RABGEF1: variants seen among roughly 807,000 people sequenced by gnomAD.
RABGEF1 encodes RAB guanine nucleotide exchange factor 1.
A neutral mutation model predicts 57.3 loss-of-function variants in RABGEF1; 26 were observed. That is an observed-to-expected ratio of 0.45 (90% CI 0.33 to 0.63). The LOEUF (loss-of-function observed/expected upper bound fraction) is 0.63, where lower values mean the gene tolerates loss of function less well. Among genes scored for constraint, RABGEF1 ranks in the 20% least tolerant of loss-of-function variants. The pLI, the probability that RABGEF1 is intolerant of heterozygous loss-of-function variation, is 0.02. For synonymous variants in RABGEF1, 185 were observed against 210.7 expected, an observed-to-expected ratio of 0.88 and a Z score of 1.06; for missense variants, 464 against 607.6, an observed-to-expected ratio of 0.76 and a Z score of 2.48.
chr7:66,724,069 G>A (rs1028192421), intron 2 of RABGEF1, among the ~76,000 whole-genome samples: 7 of 151,224 alleles, frequency 4.6e-5, no homozygotes, highest in African/African-American at 1.7e-4. Context: ...CTCACCATTT[G>A]TTTCTTAAGA....
intron 1 of RABGEF1, among the ~76,000 whole-genome samples, chr7:66,695,690 G>A (rs1002780351): frequency 1.3e-5 from 2 of 152,156 alleles, no homozygotes; most frequent in African/African-American, 4.8e-5. Flanking sequence ...AACTGGCCAG[G>A]CGCAGTGGCT....
the RABGEF1 span, among the ~76,000 whole-genome samples, chr7:66,661,502 C>T: frequency 0.1 from 15,666 of 151,580 alleles, 995 homozygotes; most frequent in South Asian, 0.2. Flanking sequence ...TGGCTCCCAG[C>T]TGTAATCCCA....
At chr7:66,792,332 C>T (rs942875859) in intron 4 of RABGEF1, among the ~76,000 whole-genome samples, 2 of 152,182 alleles carry the variant, frequency 1.3e-5, no homozygotes, top group Admixed American at 6.5e-5. Context: ...ACCTTATTTG[C>T]AGGCTAACAA....
the RABGEF1 span, among the ~76,000 whole-genome samples, chr7:66,658,271 G>A: frequency 6.6e-6 from 1 of 152,160 alleles, no homozygotes; most frequent in Non-Finnish European, 1.5e-5. Flanking sequence ...AGTGGCTCGT[G>A]CCTGTAATCC....
At chr7:66,673,119 C>T in the RABGEF1 span, among the ~76,000 whole-genome samples, 10 of 139,146 alleles carry the variant, frequency 7.2e-5, no homozygotes, top group East Asian at 2.1e-4. Context: ...AGAGTGACAG[C>T]GCCAGGCAAG....
intron 1 of RABGEF1, among the ~76,000 whole-genome samples, chr7:66,707,486 G>A (rs1176449657): frequency 6.6e-6 from 1 of 152,072 alleles, no homozygotes; most frequent in Non-Finnish European, 1.5e-5. Flanking sequence ...TCAGGAGTTC[G>A]AGACCAGCCT....
chr7:66,802,878 A>G (rs1787609112), intron 7 of RABGEF1, among the ~76,000 whole-genome samples: 1 of 152,264 alleles, frequency 6.6e-6, no homozygotes, highest in Non-Finnish European at 1.5e-5. Context: ...AACAGTAAAG[A>G]TGAACAGGAT....
the RABGEF1 span, among the ~76,000 whole-genome samples, chr7:66,666,875 A>C: frequency 1.3e-5 from 2 of 152,284 alleles, no homozygotes; most frequent in East Asian, 3.9e-4. Flanking sequence ...GGGAGCTGGC[A>C]CTGGGGTTGG....
intron 1 of RABGEF1, among the ~76,000 whole-genome samples, chr7:66,746,789 A>AC (rs1562775559): frequency 3.2e-5 from 4 of 126,626 alleles, no homozygotes; most frequent in Non-Finnish European, 5.3e-5. Flanking sequence ...ACGTCCGGCT[A>AC]ATTTTTTTTT....
intron 1 of RABGEF1, among the ~76,000 whole-genome samples, chr7:66,751,052 G>A (rs897559242): frequency 5.0e-4 from 71 of 140,796 alleles, no homozygotes; most frequent in African/African-American, 1.8e-3. Flanking sequence ...TTTTTGAGAC[G>A]GAGTCTCTCA....
chr7:66,794,207 A>AT (rs1174835014), intron 4 of RABGEF1, among the ~76,000 whole-genome samples: 1,337 of 91,092 alleles, frequency 0.015, 21 homozygotes, highest in African/African-American at 0.045. Flanking sequence ...TCCATGTTTA[A>AT]TTTTTTTTTT....
At chr7:66,755,524 A>G (rs1354983093) in intron 1 of RABGEF1, among the ~76,000 whole-genome samples, 2 of 152,210 alleles carry the variant, frequency 1.3e-5, no homozygotes, top group Non-Finnish European at 2.9e-5. Context: ...TGCCTTTAAC[A>G]GAGACCACCT....
chr7:66,670,433 A>ATTTTTT, the RABGEF1 span, among the ~76,000 whole-genome samples: 5 of 116,064 alleles, frequency 4.3e-5, no homozygotes, highest in East Asian at 2.9e-4. Context: ...GAATGAGATG[A>ATTTTTT]TTTTTTTTTT....
intron 2 of RABGEF1, among the ~76,000 whole-genome samples, chr7:66,731,953 C>A (rs763580922): frequency 6.6e-6 from 1 of 152,208 alleles, no homozygotes; most frequent in Admixed American, 6.5e-5. Flanking sequence ...TCCACTCCCC[C>A]CAGGGCCCAT....
At chr7:66,654,674 G>A in the RABGEF1 span, 15,748 of 152,662 alleles carry the variant, frequency 0.1, 994 homozygotes, top group South Asian at 0.19. Flanking sequence ...TCTCAGCTAC[G>A]GGAGCGGGGC....
chr7:66,683,915 A>G (rs765688146), intron 1 of RABGEF1, among the ~76,000 whole-genome samples: 2 of 152,182 alleles, frequency 1.3e-5, no homozygotes, highest in African/African-American at 2.4e-5. Context: ...TGATTTTTAA[A>G]GATTTTGTAA....
chr7:66,693,029 G>T (rs186897648), intron 1 of RABGEF1, among the ~76,000 whole-genome samples: 4 of 152,120 alleles, frequency 2.6e-5, no homozygotes, highest in Non-Finnish European at 4.4e-5. Context: ...CCCTCCTAGC[G>T]GGGGAAAAAA....
chr7:66,659,177 G>C, the RABGEF1 span, among the ~76,000 whole-genome samples: 2 of 152,312 alleles, frequency 1.3e-5, no homozygotes, highest in African/African-American at 4.8e-5. Context: ...TGCCTGCTGG[G>C]TGTGGTGGCT....
chr7:66,669,565 C>T, the RABGEF1 span, among the ~76,000 whole-genome samples: 254 of 152,210 alleles, frequency 1.7e-3, 4 homozygotes, highest in Middle Eastern at 0.044. Flanking sequence ...GGAGATCAGG[C>T]AATACTAAAT....
Sources: gnomAD v4.1 joint callset for allele counts (sites outside exome capture counted in the v4.1 genomes callset) on GRCh38, gnomAD v4.1.1 for gene constraint, MANE v1.5 for transcripts, NCBI Gene and HGNC (gene_info 2026-07-23, HGNC 2026-07-21) for gene names.